UGT1A10: variants seen among roughly 807,000 people sequenced by gnomAD.
UGT1A10 encodes the protein UDP-glucuronosyltransferase 1A10.
A neutral mutation model predicts 45.8 loss-of-function variants in UGT1A10; 49 were observed. That is an observed-to-expected ratio of 1.07 (90% CI 0.85 to 1.36). UGT1A10 has a LOEUF of 1.36. UGT1A10 is among the 40% of genes most tolerant of loss of function. The pLI is 0.00. For synonymous variants in UGT1A10, 284 were observed against 249.7 expected (o/e 1.14, Z -1.29); for missense variants, 745 against 668.6 (o/e 1.11, Z -1.26).
chr2:233,637,458 G>C, intron 1 of UGT1A10, 81 bp downstream of exon 1: 1 of 1,505,448 alleles, frequency 6.6e-7, no homozygotes, highest in Non-Finnish European at 8.8e-7. Flanking sequence ...ACTGTGATTT[G>C]ACATTTTCGT....
intron 1 of UGT1A10, chr2:233,729,209 G>T (rs1321436420): frequency 6.2e-7 from 1 of 1,613,990 alleles, no homozygotes. Flanking sequence ...TGGGCTGAGA[G>T]TGGAAAGGTG....
In UGT1A10 at chr2:233,760,534, T is replaced by C. The variant is rs56059937; in HGVS notation, c.856-6500T>C. On this transcript the variant is annotated intron_variant, in intron 1 of 4. Coordinates refer to ENST00000344644, the MANE Select transcript of UGT1A10 (RefSeq NM_019075.4). ...CACCTTGAAGACGTACCCTGTGCCA[T>C]TCCAAAGGGAGGATGTGAAAGAGTC... is the stretch of plus-strand genomic sequence containing the variant. 3.7e-6 allele frequency: 6 copies of C among 1,614,240 alleles called. No individual in the cohort carries two copies. Among genetic ancestry groups the C allele is most frequent in the South Asian group, 3.3e-5 (3 of 91,088 alleles).
intron 1 of UGT1A10, among the ~76,000 whole-genome samples, chr2:233,637,992 C>A (rs1047788214): frequency 1.3e-5 from 2 of 152,092 alleles, no homozygotes; most frequent in African/African-American, 4.8e-5. Flanking sequence ...CCATTTTCCA[C>A]TCTTTCCTTT....
intron 1 of UGT1A10, chr2:233,760,677 A>G (rs555950591): frequency 6.2e-7 from 1 of 1,614,148 alleles, no homozygotes; most frequent in Non-Finnish European, 8.5e-7. Context: ...GTTCCCACTT[A>G]CTGCACAACA....
intron 1 of UGT1A10, chr2:233,755,414 G>T (rs11673726): frequency 0.36 from 117,303 of 321,602 alleles, 22,184 homozygotes; most frequent in African/African-American, 0.41. Context: ...GCCGAGGCCT[G>T]TGAGCGCCTC....
At chr2:233,695,741 A>G (rs749917184) in intron 1 of UGT1A10, among the ~76,000 whole-genome samples, 6 of 152,186 alleles carry the variant, frequency 3.9e-5, no homozygotes, top group African/African-American at 7.2e-5. Context: ...GTTGCTGCAC[A>G]TGACAGGTCT....
At chr2:233,766,573 T>A (rs1699187468) in intron 1 of UGT1A10, among the ~76,000 whole-genome samples, 1 of 152,150 alleles carries the variant, frequency 6.6e-6, no homozygotes, top group Non-Finnish European at 1.5e-5. Context: ...TGGGCACAGG[T>A]CTGGGGGTGG....
chr2:233,747,799 A>C, intron 1 of UGT1A10: 1 of 1,613,474 alleles, frequency 6.2e-7, no homozygotes, highest in Non-Finnish European at 8.5e-7. Context: ...TATATTCCTA[A>C]GTTACTAACG....
chr2:233,657,500 A>T (rs1349875947), intron 1 of UGT1A10, among the ~76,000 whole-genome samples: 4 of 152,194 alleles, frequency 2.6e-5, no homozygotes, highest in African/African-American at 9.7e-5. Context: ...CAGTTCTTGC[A>T]GGAGCAATAG....
intron 1 of UGT1A10, among the ~76,000 whole-genome samples, chr2:233,655,000 A>T (rs17868316): frequency 0.012 from 1,880 of 152,292 alleles, 16 homozygotes; most frequent in Admixed American, 0.02. Context: ...GAGGCAGAAG[A>T]ATCACTTGAA....
intron 1 of UGT1A10, among the ~76,000 whole-genome samples, chr2:233,654,382 CA>C (rs1184598362): frequency 2.0e-5 from 3 of 152,072 alleles, no homozygotes; most frequent in Non-Finnish European, 2.9e-5. Context: ...GATTGTGATC[CA>C]AACCCTATAG....
chr2:233,729,068 AG>A, intron 1 of UGT1A10: 1 of 1,611,394 alleles, frequency 6.2e-7, no homozygotes, highest in Non-Finnish European at 8.5e-7. Context: ...AGATGAAGAA[AG>A]CAAATGTAGC....
At chr2:233,682,261 A>G (rs781510118) in intron 1 of UGT1A10, 11 of 1,614,066 alleles carry the variant, frequency 6.8e-6, no homozygotes, top group Non-Finnish European at 8.5e-7. Flanking sequence ...CATTTTCTCT[A>G]TTAACAAGTT....
intron 4 of UGT1A10, 106 bp from the exon 5 acceptor site, chr2:233,772,156 C>G: frequency 6.4e-7 from 1 of 1,560,932 alleles, no homozygotes; most frequent in Non-Finnish European, 8.7e-7. Context: ...GTTTCCTTTC[C>G]CAAGTTTGGA....
At position 233,769,465 on chromosome 2, in the gene UGT1A10, G is replaced by C. The variant is rs34036745; in HGVS notation, c.1295+1026G>C. On this transcript the variant is annotated intron_variant, in intron 4 of 4. Coordinates refer to ENST00000344644, the MANE Select transcript of UGT1A10 (RefSeq NM_019075.4). This position sits in a 1 kb window ranked among gnomAD's most constrained non-coding sequence, Gnocchi z 4.4. The stretch of plus-strand genomic sequence containing the variant: ...GGTGCACACGTGTGCATTCATATGC[G>C]TGTGTGTGTGTGTGCGTGTGTTTAT... The C allele has an allele frequency of 4.2e-4, 555 of 1,316,536 alleles. 2 individuals are homozygous for C. The African/African-American group carries it at 7.4e-3, about 18-fold the overall frequency. 81.6% of individuals were successfully genotyped at this position (1,316,536 alleles called of 1,614,324 possible). A position where few individuals can be genotyped will look rare whatever the true frequency, so the allele number is the denominator to read the frequency against.
At chr2:233,666,764 A>G (rs1271389688) in intron 1 of UGT1A10, among the ~76,000 whole-genome samples, 1 of 151,350 alleles carries the variant, frequency 6.6e-6, no homozygotes, top group Non-Finnish European at 1.5e-5. Flanking sequence ...TCGTCATTTA[A>G]CCTTAGGTAT....
intron 1 of UGT1A10, chr2:233,713,393 T>C (rs780535548): frequency 4.3e-6 from 7 of 1,614,220 alleles, no homozygotes; most frequent in South Asian, 3.3e-5. Flanking sequence ...TACTGCATAA[T>C]GAGGCCCTGA....
At chr2:233,725,703 A>G (rs2077468684) in intron 1 of UGT1A10, among the ~76,000 whole-genome samples, 1 of 152,222 alleles carries the variant, frequency 6.6e-6, no homozygotes, top group South Asian at 2.1e-4. Flanking sequence ...ATATGTAGTT[A>G]GTGACTACCA....
At chr2:233,667,606 TG>T (rs2074105068) in intron 1 of UGT1A10, among the ~76,000 whole-genome samples, 1 of 152,140 alleles carries the variant, frequency 6.6e-6, no homozygotes, top group Non-Finnish European at 1.5e-5. Context: ...ACTTACAGAA[TG>T]GGAGAAAATT....
Sources: allele counts gnomAD v4.1 joint callset (sites outside exome capture counted in the v4.1 genomes callset), GRCh38; gene constraint gnomAD v4.1.1; non-coding constraint Gnocchi (gnomAD v3.1); transcripts MANE v1.5; gene names NCBI Gene and HGNC (gene_info 2026-07-23, HGNC 2026-07-21).